Variants in CNTLN observed in about 807,000 individuals in gnomAD.
CNTLN encodes the protein centlein, also known as centlein, centrosomal protein.
In CNTLN, 212 loss-of-function variants were observed where a neutral mutation model predicts 180.0. The ratio of observed to expected loss-of-function variants is 1.18; its 90% CI spans 1.05 to 1.32. CNTLN has a LOEUF of 1.32. Among genes scored for constraint, CNTLN ranks in the 40% most tolerant of loss-of-function variants. The pLI is 0.00. For synonymous variants in CNTLN, 722 were observed against 563.1 expected (o/e 1.28, Z -3.99); for missense variants, 2,095 against 1,610.9 (o/e 1.30, Z -5.14).
chr9:17,235,219 C>G (rs1825065664), intron 3 of CNTLN, among the ~76,000 whole-genome samples: 1 of 152,110 alleles, frequency 6.6e-6, no homozygotes, highest in African/African-American at 2.4e-5. Context: ...CTAAAATAAA[C>G]TTGCCATTTT....
chr9:17,416,247 G>C (rs1828240714), intron 18 of CNTLN, 58 bp downstream of exon 18: 1 of 1,369,604 alleles, frequency 7.3e-7, no homozygotes, highest in Admixed American at 2.2e-5. Context: ...TGGATATTTT[G>C]TTTTACATGT....
At position 17,309,151 on chromosome 9, in the gene CNTLN, C is replaced by T. The variant is rs1383622141; in HGVS notation, c.1240C>T (p.Gln414Ter). ...SVTNLQDQLL[Q>*]KEQENAKLKE... ...TACTAATCTTCAGGATCAGCTATTA[C>T]AAAAAGAGCAAGAAAATGCTAAGTT... Residue 414 changes from glutamine to a stop codon, truncating the protein, a stop_gained, in exon 8 of 26, where the codon CAA becomes TAA. Coordinates refer to ENST00000380647, the MANE Select transcript of CNTLN (RefSeq NM_017738.4). LOFTEE classifies it high-confidence loss of function. The T allele has an allele frequency of 1.2e-6, 2 of 1,610,416 alleles. No individual in the cohort carries two copies. The highest frequency in any genetic ancestry group is 1.7e-6 in the Non-Finnish European group (2 of 1,177,892).
intron 18 of CNTLN, among the ~76,000 whole-genome samples, chr9:17,453,775 A>G (rs1231911937): frequency 2.0e-5 from 3 of 152,186 alleles, no homozygotes; most frequent in Non-Finnish European, 4.4e-5. Context: ...TTCTCAACTC[A>G]TTGAGGCCTC....
At chr9:17,408,803 A>AT in intron 15 of CNTLN, among the ~76,000 whole-genome samples, 1 of 151,338 alleles carries the variant, frequency 6.6e-6, no homozygotes, top group African/African-American at 2.4e-5. Flanking sequence ...TCTGTCTTAA[A>AT]AAAAAAAAAA....
In CNTLN at chr9:17,309,066, T is replaced by C. The variant is rs773149484; in HGVS notation, c.1155T>C (p.Asn385=). 4.4e-6 allele frequency: 7 copies of C among 1,575,762 alleles called. No individual in the cohort carries two copies. In the Admixed American group the frequency reaches 1.4e-4, roughly 32 times the overall value. ...AESISYQKLY[N]ELHICFETTK... ...TATATTTTTTGAAACAGCTTTACAA[T>C]GAGTTACATATTTGTTTTGAAACCA... The change falls in exon 8 of 26, where the codon AAT becomes AAC. Residue 385 remains asparagine (N), a synonymous_variant. Transcript: ENST00000380647.
chr9:17,218,814 T>C (rs1449770461), intron 2 of CNTLN, among the ~76,000 whole-genome samples: 1 of 152,050 alleles, frequency 6.6e-6, no homozygotes, highest in Non-Finnish European at 1.5e-5. Flanking sequence ...TAGTTGGATG[T>C]TTTTTTAGAC....
At chr9:17,369,185 G>T (rs529149492) in intron 13 of CNTLN, among the ~76,000 whole-genome samples, 2 of 152,204 alleles carry the variant, frequency 1.3e-5, no homozygotes, top group Non-Finnish European at 2.9e-5. Context: ...TGATGGTTTT[G>T]TAAGGGGCTT....
At chr9:17,153,555 G>A (rs1308493151) in intron 2 of CNTLN, among the ~76,000 whole-genome samples, 2 of 152,084 alleles carry the variant, frequency 1.3e-5, no homozygotes, top group Non-Finnish European at 2.9e-5. Flanking sequence ...TTCCCTTTGC[G>A]GGTAACCCAA....
At position 17,484,474 on chromosome 9, in the gene CNTLN, TC is replaced by T; in HGVS notation, c.4036del (p.Gln1346LysfsTer36). 2.5e-6 allele frequency: 4 copies of T among 1,593,528 alleles called. No homozygotes were observed. The highest frequency in any genetic ancestry group is 2.6e-6 in the Non-Finnish European group (3 of 1,174,348). Reference sequence around the variant, plus strand: ...TAGAGGAAATATTAGACACAGAAGATCAAGTGGTAAGATCATTTAAATATTT... The same window carrying T: ...TAGAGGAAATATTAGACACAGAAGATAAGTGGTAAGATCATTTAAATATTT... ...DLEEILDTED[Q>X]VEIEKTKIDA... On this transcript the variant is annotated frameshift_variant, in exon 24 of 26. Coordinates refer to ENST00000380647, the MANE Select transcript of CNTLN (RefSeq NM_017738.4). LOFTEE classifies it high-confidence loss of function.
At chr9:17,350,201 A>T (rs1822246314) in intron 12 of CNTLN, among the ~76,000 whole-genome samples, 1 of 152,220 alleles carries the variant, frequency 6.6e-6, no homozygotes, top group South Asian at 2.1e-4. Context: ...AAGCTTCTCT[A>T]ATCCAGCAAA....
chr9:17,208,272 T>G (rs1823059904), intron 2 of CNTLN, among the ~76,000 whole-genome samples: 2 of 152,208 alleles, frequency 1.3e-5, no homozygotes, highest in Non-Finnish European at 2.9e-5. Context: ...TATATCTCAT[T>G]GACTGATTTG....
At chr9:17,397,085 AGTG>A (rs1826590377) in intron 15 of CNTLN, among the ~76,000 whole-genome samples, 1 of 152,204 alleles carries the variant, frequency 6.6e-6, no homozygotes, top group Non-Finnish European at 1.5e-5. Flanking sequence ...TTCAAAATAA[AGTG>A]GTGCCATTTA....
Position 17,464,505 on chromosome 9 carries a change from G to C in CNTLN, c.3413G>C (p.Arg1138Pro), listed in dbSNP as rs559857948. Residue 1138 changes from arginine (R) to proline (P), a missense_variant, in exon 21 of 26, where the codon CGA becomes CCA. Coordinates refer to ENST00000380647, the MANE Select transcript of CNTLN (RefSeq NM_017738.4). The part of the protein sequence containing the change: ...HIKEMHEKIS[R>P]MERDITMKRH... ...CCTTTTTTTTTTTCAAGGATATCTC[G>C]AATGGAGAGGGATATAACTATGAAA... 1.1e-5 allele frequency: 16 copies of C among 1,519,130 alleles called. No individual in the cohort carries two copies. The highest frequency in any genetic ancestry group is 1.3e-5 in the Non-Finnish European group (15 of 1,143,762). The allele number at this position is 1,519,130 out of a possible 1,614,324, so 94.1% of individuals were successfully genotyped here.
chr9:17,324,637 T>C (rs1172584563), intron 8 of CNTLN, among the ~76,000 whole-genome samples: 4 of 152,160 alleles, frequency 2.6e-5, no homozygotes, highest in Non-Finnish European at 4.4e-5. Flanking sequence ...ATTTACTGGA[T>C]GTATGTATAT....
At chr9:17,227,981 A>G (rs924045245) in intron 3 of CNTLN, among the ~76,000 whole-genome samples, 1 of 152,098 alleles carries the variant, frequency 6.6e-6, no homozygotes, top group Non-Finnish European at 1.5e-5. Context: ...TGAGCCAGAC[A>G]TGGCAGACAT....
intron 2 of CNTLN, among the ~76,000 whole-genome samples, chr9:17,204,336 G>T (rs1019684832): frequency 6.6e-6 from 1 of 151,778 alleles, no homozygotes; most frequent in Non-Finnish European, 1.5e-5. Flanking sequence ...CTTTGGATGG[G>T]TTTTTTTTGT....
At chr9:17,518,396 T>C in the CNTLN span, among the ~76,000 whole-genome samples, 2 of 152,162 alleles carry the variant, frequency 1.3e-5, no homozygotes, top group Non-Finnish European at 2.9e-5. Context: ...TTATGTGCTG[T>C]GGCCCTTTGA....
At chr9:17,451,145 A>G (rs1830756413) in intron 18 of CNTLN, among the ~76,000 whole-genome samples, 1 of 152,160 alleles carries the variant, frequency 6.6e-6, no homozygotes, top group African/African-American at 2.4e-5. Context: ...CAATAAAAGA[A>G]CGTTGATTCT....
chr9:17,460,942 C>A (rs1831411262), intron 19 of CNTLN, among the ~76,000 whole-genome samples: 1 of 151,136 alleles, frequency 6.6e-6, no homozygotes, highest in Non-Finnish European at 1.5e-5. Flanking sequence ...TGTTTTTAGG[C>A]AGGAATAATG....
Sources: allele counts gnomAD v4.1 joint callset (sites outside exome capture counted in the v4.1 genomes callset), GRCh38; gene constraint gnomAD v4.1.1; transcripts MANE v1.5; gene names NCBI Gene and HGNC (gene_info 2026-07-23, HGNC 2026-07-21).